DHX8: variants seen among roughly 807,000 people sequenced by gnomAD.
The protein encoded by DHX8 is DEAH-box helicase 8.
Under a neutral mutation model 140.7 loss-of-function variants are expected in DHX8, and 67 were observed. The observed-to-expected ratio is 0.48, with a 90% CI of 0.39 to 0.58. The LOEUF is 0.58. Ranked by LOEUF, DHX8 falls within the 20% of genes least tolerant of loss-of-function variation. The probability of loss-of-function intolerance (pLI) is 0.00; values close to 1 mark genes in which losing one functional copy is unlikely to be tolerated. For missense variants in DHX8, 887 were observed against 1,550.7 expected (o/e 0.57, Z 7.19); for synonymous variants, 533 against 553.2 (o/e 0.96, Z 0.51).
At chr17:43,533,212 C>G in intron 2 of DHX8, 1 of 1,613,122 alleles carries the variant, frequency 6.2e-7, no homozygotes, top group Non-Finnish European at 8.5e-7. Flanking sequence ...TACCCATGGC[C>G]AGGGTGGGGC....
chr17:43,489,460 A>C lies in DHX8; in HGVS notation c.160A>C (p.Ile54Leu), dbSNP rs754535968. The C allele has an allele frequency of 6.2e-7, 1 of 1,605,796 alleles. No individual in the cohort carries two copies. Among genetic ancestry groups the C allele is most frequent in the Non-Finnish European group, 8.5e-7 (1 of 1,177,030 alleles). ...INDKDLAEFV[I>L]SLAEKNTTFD... ...TTTCTTATTTGCAGCTGAATTTGTG[A>C]TCAGTCTTGCTGAGAAAAATACCAC... Residue 54 changes from isoleucine (I) to leucine (L), a missense_variant, in exon 2 of 23, where the codon ATC becomes CTC. Ile to Leu is a conservative substitution (Grantham distance 5). Transcript: ENST00000262415.
At chr17:43,494,206 A>G (rs752355691) in intron 8 of DHX8, among the ~76,000 whole-genome samples, 2 of 152,194 alleles carry the variant, frequency 1.3e-5, no homozygotes, top group Non-Finnish European at 2.9e-5. Flanking sequence ...CTTACTCACT[A>G]TCGTGACAAC....
intron 1 of DHX8, among the ~76,000 whole-genome samples, chr17:43,489,248 G>A (rs984326351): frequency 6.6e-6 from 1 of 152,064 alleles, no homozygotes; most frequent in Non-Finnish European, 1.5e-5. Flanking sequence ...CAAGTGATCC[G>A]CCTGCCTTGG....
intron 3 of DHX8, among the ~76,000 whole-genome samples, chr17:43,490,945 G>T (rs1968483755): frequency 6.6e-6 from 1 of 151,932 alleles, no homozygotes; most frequent in Non-Finnish European, 1.5e-5. Flanking sequence ...AATGAGTATT[G>T]CTACACTCCT....
chr17:43,503,389 A>G (rs955031684), intron 11 of DHX8, among the ~76,000 whole-genome samples: 25 of 151,688 alleles, frequency 1.6e-4, no homozygotes, highest in African/African-American at 6.1e-4. Context: ...CCCAGCTGCT[A>G]GGGAGGCTGA....
chr17:43,517,151 A>T lies in DHX8; in HGVS notation c.2644-16A>T. Reference sequence around the variant, plus strand: ...TGTTTAACAGATATGTTGCTTTTATATGCCCACCCCTCTAGGCTCAGGCAA... The same window carrying T: ...TGTTTAACAGATATGTTGCTTTTATTTGCCCACCCCTCTAGGCTCAGGCAA... On this transcript the variant is annotated splice_polypyrimidine_tract_variant and intron_variant, in intron 17 of 22. Coordinates refer to ENST00000262415, the MANE Select transcript of DHX8 (RefSeq NM_004941.3). 1.2e-6 allele frequency: 2 copies of T among 1,603,894 alleles called. No homozygotes were observed. Among genetic ancestry groups the T allele is most frequent in the African/African-American group, 2.7e-5 (2 of 74,442 alleles).
chr17:43,536,239 CA>C, intron 2 of DHX8: 1 of 653,588 alleles, frequency 1.5e-6, no homozygotes, highest in Admixed American at 2.5e-5. Flanking sequence ...TAAGGTCACA[CA>C]GCAAGAACAT....
intron 17 of DHX8, among the ~76,000 whole-genome samples, chr17:43,514,004 C>T (rs1036180045): frequency 2.6e-5 from 4 of 151,972 alleles, no homozygotes; most frequent in South Asian, 2.1e-4. Flanking sequence ...TGAGCCACCA[C>T]GCCCGGCCCT....
chr17:43,484,044 G>C lies in DHX8; in HGVS notation c.7G>C (p.Val3Leu). The C allele has an allele frequency of 6.2e-7, 1 of 1,614,028 alleles. No homozygotes were observed. Among genetic ancestry groups the C allele is most frequent in the Non-Finnish European group, 8.5e-7 (1 of 1,179,912 alleles). Reference sequence around the variant, plus strand: ...TTCTGGGCAAGCTATAGCCATGGCTGTGGCTGTAGCCATGGCGGGAGCCTT... The same window carrying C: ...TTCTGGGCAAGCTATAGCCATGGCTCTGGCTGTAGCCATGGCGGGAGCCTT... MA[V>L]AVAMAGALIG... The change falls in exon 1 of 23, where the codon GTG (valine) becomes CTG (leucine). Residue 3 changes from valine to leucine, a missense_variant. Val to Leu is a conservative substitution (Grantham distance 32, BLOSUM62 1). This residue lies in a region of DHX8 where 32 missense variants were observed against 25.1 expected (regional missense o/e 1.28). Coordinates refer to ENST00000262415, the MANE Select transcript of DHX8 (RefSeq NM_004941.3).
chr17:43,528,660 T>C, downstream of DHX8: 1 of 1,614,188 alleles, frequency 6.2e-7, no homozygotes, highest in Non-Finnish European at 8.5e-7. Context: ...CCTTGAGAGC[T>C]GGACGCTGAT....
chr17:43,532,839 G>A (rs775173545), intron 2 of DHX8: 2 of 1,613,730 alleles, frequency 1.2e-6, no homozygotes, highest in Non-Finnish European at 1.7e-6. Context: ...GGTGGGCAGG[G>A]CTCCGACAGC....
At chr17:43,530,193 G>A (rs1344688661), downstream of DHX8, 10 of 1,553,326 alleles carry the variant, frequency 6.4e-6, no homozygotes, top group South Asian at 1.2e-5. Context: ...TGTGGGGGAA[G>A]AAGGGGTGAT....
chr17:43,499,971 C>T lies in DHX8; in HGVS notation c.1414C>T (p.Leu472Phe). Residue 472 changes from leucine (L) to phenylalanine (F), a missense_variant, in exon 11 of 23, where the codon CTC becomes TTC. Physicochemically the swap from Leu to Phe is conservative, Grantham distance 22. Around this residue, in one of 9 missense-constraint regions of DHX8, gnomAD observed 178 missense variants for 398.5 expected, o/e 0.45. Transcript: ENST00000262415. ...IKIVKNPDGS[L>F]SQAAMMQSAL... ...GTTGCACCAGAACCCAGACGGCTCCCTCTCCCAAGCAGCAATGATGCAGAG... is the reference window on the plus strand; with the variant it reads ...GTTGCACCAGAACCCAGACGGCTCCTTCTCCCAAGCAGCAATGATGCAGAG... The T allele has an allele frequency of 6.2e-7, 1 of 1,614,066 alleles. No individual in the cohort carries two copies. The highest frequency in any genetic ancestry group is 8.5e-7 in the Non-Finnish European group (1 of 1,179,992).
At chr17:43,529,332 G>A, downstream of DHX8, 1 of 1,430,986 alleles carries the variant, frequency 7.0e-7, no homozygotes, top group Non-Finnish European at 9.8e-7. Flanking sequence ...TTGGTGCAAA[G>A]TGCCAAGCTA....
chr17:43,528,359 G>A (rs934143979), downstream of DHX8: 8 of 539,386 alleles, frequency 1.5e-5, no homozygotes, highest in African/African-American at 7.6e-5. Context: ...CAATGACTCC[G>A]GTGAGCAGCT....
intron 2 of DHX8, among the ~76,000 whole-genome samples, chr17:43,535,244 G>A (rs1313892493): frequency 6.6e-6 from 1 of 152,144 alleles, no homozygotes; most frequent in Non-Finnish European, 1.5e-5. Context: ...ACAGTTGACA[G>A]CAAAGTATCT....
intron 1 of DHX8, 108 bp downstream of exon 1, chr17:43,484,293 T>C (rs1967989939): frequency 7.7e-7 from 1 of 1,298,838 alleles, no homozygotes; most frequent in Non-Finnish European, 1.1e-6. Context: ...TTCGTGTGAA[T>C]CTGTCTCTCT....
At position 43,517,311 on chromosome 17, in the gene DHX8, C is replaced by T. The variant is rs1365121275; in HGVS notation, c.2788C>T (p.Leu930=). Residue 930 remains leucine (L), a synonymous_variant, in exon 18 of 23, where the codon CTG becomes TTG. Coordinates refer to ENST00000262415, the MANE Select transcript of DHX8 (RefSeq NM_004941.3). ...IQRTNLASTV[L]SLKAMGINDL... ...GAGAACCAACTTAGCAAGCACAGTG[C>T]TGTCACTCAAGGTAGAAATCACTGT... is the stretch of plus-strand genomic sequence containing the variant. 6.2e-7 allele frequency: 1 copy of T among 1,613,802 alleles called. No individual in the cohort carries two copies. Among genetic ancestry groups the T allele is most frequent in the Non-Finnish European group, 8.5e-7 (1 of 1,179,872 alleles).
chr17:43,499,765 A>C (rs1444257701), intron 10 of DHX8, among the ~76,000 whole-genome samples, 191 bp from the exon 11 acceptor site: 1 of 152,174 alleles, frequency 6.6e-6, no homozygotes, highest in Non-Finnish European at 1.5e-5. Context: ...CAGTTCCTTC[A>C]ATGATGTAAC....
Sources: gnomAD v4.1 joint callset for allele counts (sites outside exome capture counted in the v4.1 genomes callset) on GRCh38, gnomAD v4.1.1 for gene constraint, gnomAD v4.1.1 regional missense constraint, MANE v1.5 for transcripts, NCBI Gene and HGNC (gene_info 2026-07-23, HGNC 2026-07-21) for gene names.